Variants in SLC37A1 observed in about 807,000 individuals in gnomAD.
The protein encoded by SLC37A1 is solute carrier family 37 member 1.
A neutral mutation model predicts 75.3 loss-of-function variants in SLC37A1; 49 were observed. That is an observed-to-expected ratio of 0.65 (90% CI 0.52 to 0.83). The LOEUF (loss-of-function observed/expected upper bound fraction) is 0.83, where lower values mean the gene tolerates loss of function less well. SLC37A1 is among the 40% of genes least tolerant of loss of function. The pLI is 0.00. For missense variants in SLC37A1, 566 were observed against 695.0 expected (o/e 0.81, Z 2.09); for synonymous variants, 268 against 292.1 (o/e 0.92, Z 0.84).
chr21:42,562,865 C>T (rs536398279), intron 12 of SLC37A1, among the ~76,000 whole-genome samples: 299 of 152,156 alleles, frequency 2.0e-3, no homozygotes, highest in African/African-American at 6.8e-3. Flanking sequence ...CACGCTGGGC[C>T]GTCAGGGAGG....
chr21:42,559,232 G>T, intron 11 of SLC37A1, 143 bp downstream of exon 11: 1 of 1,022,590 alleles, frequency 9.8e-7, no homozygotes, highest in Non-Finnish European at 1.4e-6. Flanking sequence ...GCTAGACGCT[G>T]CACAGTGCTA....
At position 42,558,991 on chromosome 21, in the gene SLC37A1, G is replaced by GGGAAGGGCTCCATCC. The variant is rs748876546; in HGVS notation, c.884_898dup (p.Ile299_His300insArgLysGlySerIle). The GGGAAGGGCTCCATCC allele has an allele frequency of 6.2e-7, 1 of 1,613,838 alleles. No homozygotes were observed. The highest frequency in any genetic ancestry group is 1.1e-5 in the South Asian group (1 of 91,032). ...GATGCAGTGCCTGCTGCTCTCAGAT[G>GGGAAGGGCTCCATCC]GGAAGGGCTCCATCCACCCGAACCA... is the stretch of plus-strand genomic sequence containing the variant. On this transcript the variant is annotated inframe_insertion, in exon 11 of 20. Transcript: ENST00000352133.
chr21:42,554,268 TTC>T (rs1481043800), intron 10 of SLC37A1, 126 bp downstream of exon 10: 3 of 788,040 alleles, frequency 3.8e-6, no homozygotes, highest in African/African-American at 3.5e-5. Context: ...CTTAAAAAAA[TTC>T]TGTCTCATTG....
chr21:42,504,937 C>A (rs1035774467), intron 2 of SLC37A1, among the ~76,000 whole-genome samples: 4 of 152,160 alleles, frequency 2.6e-5, no homozygotes, highest in Non-Finnish European at 5.9e-5. Flanking sequence ...CTTCCCCAAC[C>A]AATCTCCAAA....
chr21:42,571,250 T>G (rs1277032441), intron 17 of SLC37A1, among the ~76,000 whole-genome samples: 1 of 152,198 alleles, frequency 6.6e-6, no homozygotes, highest in Non-Finnish European at 1.5e-5. Flanking sequence ...TGTCCACTCC[T>G]TGGCAGTGAC....
Position 42,568,346 on chromosome 21 carries a change from T to C in SLC37A1, c.1345-14T>C, listed in dbSNP as rs1357193565. On this transcript the variant is annotated splice_polypyrimidine_tract_variant and intron_variant, in intron 16 of 19. Coordinates refer to ENST00000352133, the MANE Select transcript of SLC37A1 (RefSeq NM_001320537.2). ...TGTGGCGATAACTGCACGTCTGTTT[T>C]TCCTCTCTTCTAGGGGACTCATAAA... 1.2e-6 allele frequency: 2 copies of C among 1,611,660 alleles called. No individual in the cohort carries two copies. Among genetic ancestry groups the C allele is most frequent in the Admixed American group, 3.3e-5 (2 of 59,928 alleles).
At chr21:42,527,434 A>G (rs981764724) in intron 3 of SLC37A1, among the ~76,000 whole-genome samples, 5 of 151,968 alleles carry the variant, frequency 3.3e-5, no homozygotes, top group African/African-American at 1.2e-4. Context: ...TGTCCAGGCC[A>G]CTCAAGACTT....
chr21:42,527,320 G>T (rs2054822483), intron 3 of SLC37A1, among the ~76,000 whole-genome samples: 1 of 151,988 alleles, frequency 6.6e-6, no homozygotes, highest in African/African-American at 2.4e-5. Context: ...GACTATGAGG[G>T]CCCCTGTGAG....
At chr21:42,576,949 A>C (rs1220556475) in intron 18 of SLC37A1, among the ~76,000 whole-genome samples, 1 of 152,268 alleles carries the variant, frequency 6.6e-6, no homozygotes, top group Non-Finnish European at 1.5e-5. Flanking sequence ...GTAATTCCAG[A>C]GGAAGATGAT....
chr21:42,514,091 C>T lies in SLC37A1; in HGVS notation c.-805C>T, dbSNP rs1182192461. The T allele has an allele frequency of 1.3e-5, 2 of 151,332 alleles. No homozygotes were observed. The highest frequency in any genetic ancestry group is 4.2e-4 in the South Asian group (2 of 4,788). The allele number at this position is 151,332 out of a possible 1,614,324, so 9.4% of individuals were successfully genotyped here. Reference sequence around the variant, plus strand: ...ACTCGGAGCTCGGCTCCTCTCCTTCCTTTTCTTTTTTTTCGGGGGGAGGTG... The same window carrying T: ...ACTCGGAGCTCGGCTCCTCTCCTTCTTTTTCTTTTTTTTCGGGGGGAGGTG... On this transcript the variant is annotated 5_prime_UTR_variant, in exon 1 of 20. Transcript: ENST00000352133. The surrounding 1 kb of genome is among the most constrained non-coding windows in gnomAD (Gnocchi z 4.8).
chr21:42,565,327 G>T (rs1601759491), intron 14 of SLC37A1, among the ~76,000 whole-genome samples: 1 of 152,272 alleles, frequency 6.6e-6, no homozygotes, highest in Non-Finnish European at 1.5e-5. Flanking sequence ...GTCAGTGGAC[G>T]CTGTAGCTCT....
chr21:42,537,738 A>G (rs2055175738), intron 5 of SLC37A1, among the ~76,000 whole-genome samples: 1 of 152,218 alleles, frequency 6.6e-6, no homozygotes, highest in Non-Finnish European at 1.5e-5. Context: ...CGGTAAAGAT[A>G]ATTCTTATGC....
chr21:42,572,458 CCTTT>C (rs149580287), intron 17 of SLC37A1, among the ~76,000 whole-genome samples: 1,820 of 152,064 alleles, frequency 0.012, 24 homozygotes, highest in South Asian at 0.066. Flanking sequence ...CTTCAACTTT[CCTTT>C]CTTTCTTTCC....
intron 3 of SLC37A1, among the ~76,000 whole-genome samples, chr21:42,533,071 G>C (rs2055032014): frequency 6.6e-6 from 1 of 152,168 alleles, no homozygotes; most frequent in Non-Finnish European, 1.5e-5. Context: ...AAAGTGGCCA[G>C]CCTTGTTGGC....
intron 3 of SLC37A1, among the ~76,000 whole-genome samples, chr21:42,526,888 TC>T (rs1568992628): frequency 2.0e-5 from 3 of 152,220 alleles, no homozygotes; most frequent in African/African-American, 7.2e-5. Context: ...TAAACACTCA[TC>T]CGCTTGACAA....
intron 1 of SLC37A1, among the ~76,000 whole-genome samples, chr21:42,517,947 G>C (rs548384046): frequency 6.6e-6 from 1 of 152,210 alleles, no homozygotes; most frequent in Non-Finnish European, 1.5e-5. Flanking sequence ...TAGCGTGGCT[G>C]CTGGACACAT....
At position 42,547,244 on chromosome 21, in the gene SLC37A1, A is replaced by G; in HGVS notation, c.768+104A>G. 2 of 1,255,468 alleles carry G rather than the reference A, an allele frequency of 1.6e-6. No individual in the cohort carries two copies. The highest frequency in any genetic ancestry group is 2.3e-6 in the Non-Finnish European group (2 of 861,144). 77.8% of individuals were successfully genotyped at this position (1,255,468 alleles called of 1,614,324 possible). On this transcript the variant is annotated intron_variant, in intron 9 of 19. Transcript: ENST00000352133. The surrounding 1 kb of genome is among the most constrained non-coding windows in gnomAD (Gnocchi z 6.1). ...GGTGTCAGACAGAAACACACAGGGT[A>G]GACAGAAGTCCCACCCTCAAAACAT...
Position 42,568,351 on chromosome 21 carries a change from C to G in SLC37A1, c.1345-9C>G. The G allele has an allele frequency of 6.2e-7, 1 of 1,613,162 alleles. No homozygotes were observed. The highest frequency in any genetic ancestry group is 8.5e-7 in the Non-Finnish European group (1 of 1,179,292). ...CGATAACTGCACGTCTGTTTTTCCT[C>G]TCTTCTAGGGGACTCATAAAAGTCT... On this transcript the variant is annotated splice_polypyrimidine_tract_variant and intron_variant, in intron 16 of 19. Coordinates refer to ENST00000352133, the MANE Select transcript of SLC37A1 (RefSeq NM_001320537.2).
At chr21:42,576,682 T>C (rs777916128) in intron 18 of SLC37A1, among the ~76,000 whole-genome samples, 2 of 152,074 alleles carry the variant, frequency 1.3e-5, no homozygotes, top group South Asian at 2.1e-4. Flanking sequence ...CAAGACACTA[T>C]TGAAAAGACA....
Sources: gnomAD v4.1 joint callset for allele counts (sites outside exome capture counted in the v4.1 genomes callset) on GRCh38, gnomAD v4.1.1 for gene constraint, Gnocchi (gnomAD v3.1) non-coding constraint, MANE v1.5 for transcripts, NCBI Gene and HGNC (gene_info 2026-07-23, HGNC 2026-07-21) for gene names.